CAMKMT: variants seen among roughly 807,000 people sequenced by gnomAD.
The protein encoded by CAMKMT is CaM KMT.
In CAMKMT, 53 loss-of-function variants were observed where a neutral mutation model predicts 48.0. That is an observed-to-expected ratio of 1.10 (90% confidence interval 0.89 to 1.39). The LOEUF (loss-of-function observed/expected upper bound fraction) is 1.39, where lower values mean the gene tolerates loss of function less well. Among genes scored for constraint, CAMKMT ranks in the 40% most tolerant of loss-of-function variants. The pLI, the probability that CAMKMT is intolerant of heterozygous loss-of-function variation, is 0.00. For missense variants in CAMKMT, 428 were observed against 402.7 expected (o/e 1.06, Z -0.54); for synonymous variants, 165 against 152.3 (o/e 1.08, Z -0.61).
intron 3 of CAMKMT, among the ~76,000 whole-genome samples, chr2:44,525,676 C>G (rs983887464): frequency 3.3e-5 from 5 of 152,066 alleles, no homozygotes; most frequent in African/African-American, 1.2e-4. Flanking sequence ...TTTTCATCAT[C>G]TTATTAGGTG....
intron 3 of CAMKMT, among the ~76,000 whole-genome samples, chr2:44,464,662 G>A (rs1279120643): frequency 1.3e-5 from 2 of 152,128 alleles, no homozygotes; most frequent in Non-Finnish European, 2.9e-5. Flanking sequence ...AGGTCAGAAA[G>A]AGTTGGAAGA....
At position 44,703,590 on chromosome 2, in the gene CAMKMT, C is replaced by T. The variant is rs540274566; in HGVS notation, c.377-693C>T. On this transcript the variant is annotated intron_variant, in intron 3 of 10. Coordinates refer to ENST00000378494, the MANE Select transcript of CAMKMT (RefSeq NM_024766.5). ...GTCAGGAGTTCGAGACCAGCTTGAC[C>T]AACATGGTGAAACCCAGTCTCTACT... 2.6e-5 allele frequency among the ~76,000 whole-genome samples: 4 copies of T among 151,968 alleles called. No individual in the cohort carries two copies. In the East Asian group the frequency reaches 7.8e-4, roughly 30 times the overall value.
At chr2:44,606,707 A>G (rs1329879894) in intron 3 of CAMKMT, among the ~76,000 whole-genome samples, 1 of 152,100 alleles carries the variant, frequency 6.6e-6, no homozygotes, top group Non-Finnish European at 1.5e-5. Context: ...AAGTCATCCA[A>G]TTCAATGTTC....
intron 3 of CAMKMT, among the ~76,000 whole-genome samples, chr2:44,655,989 AT>A (rs1384901870): frequency 6.6e-6 from 1 of 152,158 alleles, no homozygotes; most frequent in Non-Finnish European, 1.5e-5. Flanking sequence ...AGTTTTGTTG[AT>A]TTAAGTGGGG....
At chr2:44,546,154 G>GACACACACAC (rs4039614) in intron 3 of CAMKMT, among the ~76,000 whole-genome samples, 3,691 of 129,042 alleles carry the variant, frequency 0.029, 144 homozygotes, top group African/African-American at 0.075. Flanking sequence ...AGACTGCTAG[G>GACACACACAC]ACACACACAC....
intron 10 of CAMKMT, among the ~76,000 whole-genome samples, chr2:44,769,616 A>G (rs1385432425): frequency 6.6e-6 from 1 of 152,006 alleles, no homozygotes; most frequent in African/African-American, 2.4e-5. Flanking sequence ...ATTCATGCAA[A>G]TGTTCTTTGA....
At chr2:44,445,101 G>A (rs527478595) in intron 3 of CAMKMT, among the ~76,000 whole-genome samples, 5 of 152,156 alleles carry the variant, frequency 3.3e-5, no homozygotes, top group African/African-American at 1.2e-4. Context: ...ATGGATAAAG[G>A]TCAAGCTAAT....
intron 3 of CAMKMT, among the ~76,000 whole-genome samples, chr2:44,541,997 A>T (rs981049221): frequency 1.3e-5 from 2 of 151,722 alleles, no homozygotes; most frequent in Non-Finnish European, 2.9e-5. Context: ...GCATGGTGGC[A>T]CGCGCCTGTA....
chr2:44,673,249 G>A (rs865810019), intron 3 of CAMKMT, among the ~76,000 whole-genome samples: 4 of 151,830 alleles, frequency 2.6e-5, no homozygotes, highest in Middle Eastern at 3.4e-3. Context: ...AATACAAGGA[G>A]ACCCCATCTC....
intron 3 of CAMKMT, among the ~76,000 whole-genome samples, chr2:44,604,604 G>C (rs1671183578): frequency 6.7e-6 from 1 of 149,884 alleles, no homozygotes; most frequent in African/African-American, 2.5e-5. Context: ...ATCAATTTGG[G>C]CACCCTAAAT....
At chr2:44,449,840 A>G (rs1173557352) in intron 3 of CAMKMT, among the ~76,000 whole-genome samples, 1 of 151,980 alleles carries the variant, frequency 6.6e-6, no homozygotes, top group African/African-American at 2.4e-5. Flanking sequence ...AGTACTAGAA[A>G]TTTTTTTCCT....
chr2:44,394,018 C>G (rs1558572191), intron 3 of CAMKMT, among the ~76,000 whole-genome samples: 1 of 152,200 alleles, frequency 6.6e-6, no homozygotes, highest in African/African-American at 2.4e-5. Context: ...AACATCTCAT[C>G]TTATGCTTGG....
chr2:44,723,595 AATAAATAC>A (rs1282490450), intron 7 of CAMKMT: 1 of 105,882 alleles, frequency 9.4e-6, no homozygotes, highest in African/African-American at 4.1e-5. Flanking sequence ...TCTCAAAATA[AATAAATAC>A]ATACATAAAT....
chr2:44,658,168 G>A (rs1009325545), intron 3 of CAMKMT, among the ~76,000 whole-genome samples: 2 of 152,102 alleles, frequency 1.3e-5, no homozygotes, highest in African/African-American at 4.8e-5. Flanking sequence ...CTGTATTCAG[G>A]GTGATTCTAC....
chr2:44,464,216 C>G (rs1291003575), intron 3 of CAMKMT, among the ~76,000 whole-genome samples: 1 of 152,056 alleles, frequency 6.6e-6, no homozygotes, highest in Non-Finnish European at 1.5e-5. Context: ...CTGTGGAAGA[C>G]CAACAAGAGA....
Position 44,609,467 on chromosome 2 carries a change from C to G in CAMKMT, c.377-94816C>G, listed in dbSNP as rs116509493. Among the ~76,000 whole-genome samples, 428 of 152,126 alleles carry G rather than the reference C, an allele frequency of 2.8e-3. 1 individual carries two copies. Among genetic ancestry groups the G allele is most frequent in the Middle Eastern group, 0.014 (4 of 294 alleles). ...AATTTTTAAATAAAACACTTTTTAA[C>G]AGAAAAAATAGGAGCTTAATCAATA... On this transcript the variant is annotated intron_variant, in intron 3 of 10. Transcript: ENST00000378494.
chr2:44,558,802 T>C (rs1668162080), intron 3 of CAMKMT, among the ~76,000 whole-genome samples: 1 of 151,840 alleles, frequency 6.6e-6, no homozygotes, highest in African/African-American at 2.4e-5. Context: ...GGAAGAGAGG[T>C]GAGGGTTCAA....
intron 3 of CAMKMT, among the ~76,000 whole-genome samples, chr2:44,679,957 G>T (rs1364951355): frequency 2.0e-5 from 3 of 152,174 alleles, no homozygotes; most frequent in African/African-American, 7.2e-5. Context: ...CTTCATCTTT[G>T]ATTGTTCTTT....
At chr2:44,380,530 G>C (rs1680133980) in intron 2 of CAMKMT, among the ~76,000 whole-genome samples, 1 of 151,994 alleles carries the variant, frequency 6.6e-6, no homozygotes. Context: ...TTGTAGACTT[G>C]ACGCTTGAAT....
Sources: allele counts gnomAD v4.1 joint callset (sites outside exome capture counted in the v4.1 genomes callset), GRCh38; gene constraint gnomAD v4.1.1; transcripts MANE v1.5; gene names NCBI Gene and HGNC (gene_info 2026-07-23, HGNC 2026-07-21).